KCNQ5: variants seen among roughly 807,000 people sequenced by gnomAD.
KCNQ5 encodes the protein potassium voltage-gated channel subfamily KQT member 5.
Under a neutral mutation model 98.2 loss-of-function variants are expected in KCNQ5, and 30 were observed. The ratio of observed to expected loss-of-function variants is 0.31; its 90% confidence interval spans 0.23 to 0.41. KCNQ5 has a LOEUF of 0.41. Among genes scored for constraint, KCNQ5 ranks in the 10% least tolerant of loss-of-function variants. The pLI is 1.00. For missense variants in KCNQ5, 835 were observed against 1,182.5 expected, an observed-to-expected ratio of 0.71 and a Z score of 4.31; for synonymous variants, 458 against 449.4, an observed-to-expected ratio of 1.02 and a Z score of -0.24.
intron 1 of KCNQ5, among the ~76,000 whole-genome samples, chr6:72,879,249 T>G (rs1398619709): frequency 6.6e-6 from 1 of 152,148 alleles, no homozygotes; most frequent in Non-Finnish European, 1.5e-5. Context: ...GTGAGAGATA[T>G]GAGATTTCCA....
At chr6:73,107,000 C>G (rs1163329187) in intron 6 of KCNQ5, among the ~76,000 whole-genome samples, 1 of 151,864 alleles carries the variant, frequency 6.6e-6, no homozygotes, top group East Asian at 1.9e-4. Context: ...GTATCCAAGG[C>G]AACTTCATCT....
chr6:73,078,858 A>G (rs71573581), intron 5 of KCNQ5, among the ~76,000 whole-genome samples: 1 of 152,206 alleles, frequency 6.6e-6, no homozygotes, highest in Non-Finnish European at 1.5e-5. Context: ...TGAAGCAAAA[A>G]TTTTCCCTGC....
chr6:72,650,578 T>G (rs906096590), intron 1 of KCNQ5, among the ~76,000 whole-genome samples: 1 of 152,080 alleles, frequency 6.6e-6, no homozygotes, highest in African/African-American at 2.4e-5. Context: ...AAAAATCCAT[T>G]TAAAAGCGAA....
At chr6:72,957,594 C>T (rs1475731452) in intron 1 of KCNQ5, among the ~76,000 whole-genome samples, 1 of 152,138 alleles carries the variant, frequency 6.6e-6, no homozygotes, top group Admixed American at 6.5e-5. Flanking sequence ...TTCTAATATG[C>T]AGCCAGAACG....
At chr6:72,634,033 G>A (rs56316829) in intron 1 of KCNQ5, among the ~76,000 whole-genome samples, 19,601 of 152,250 alleles carry the variant, frequency 0.13, 1,452 homozygotes, top group Non-Finnish European at 0.18. Context: ...GAATTGACAA[G>A]TGGGACCTAA....
intron 1 of KCNQ5, among the ~76,000 whole-genome samples, chr6:72,957,847 G>C (rs1412652233): frequency 6.6e-6 from 1 of 152,086 alleles, no homozygotes; most frequent in Non-Finnish European, 1.5e-5. Flanking sequence ...AGTTCCCCAG[G>C]AAAAGATTTC....
rs186143406 is a variant in KCNQ5, at chr6:72,917,425, G to A, written c.399-86483G>A. Among the ~76,000 whole-genome samples, 506 of 148,030 alleles carry A rather than the reference G, an allele frequency of 3.4e-3. 2 individuals carry two copies. Among genetic ancestry groups the A allele is most frequent in the African/African-American group, 0.013 (485 of 37,802 alleles). On this transcript the variant is annotated intron_variant, in intron 1 of 13. Coordinates refer to ENST00000370398, the MANE Select transcript of KCNQ5 (RefSeq NM_019842.4). ...TCTGGAACAGATTCTGGGGGATTTA[G>A]GAGCCCCCCCACCATTTTTTTATTT...
intron 11 of KCNQ5, among the ~76,000 whole-genome samples, chr6:73,183,115 T>A (rs1275489948): frequency 6.6e-6 from 1 of 152,172 alleles, no homozygotes; most frequent in Admixed American, 6.5e-5. Flanking sequence ...TGTGTGAGAA[T>A]GTCAGAGCAT....
chr6:73,151,446 G>A (rs1254804404), intron 10 of KCNQ5, among the ~76,000 whole-genome samples: 1 of 152,106 alleles, frequency 6.6e-6, no homozygotes, highest in African/African-American at 2.4e-5. Flanking sequence ...ACCTTTCAAT[G>A]TAAGTCACTA....
chr6:73,042,783 A>C (rs1771771301), intron 3 of KCNQ5, among the ~76,000 whole-genome samples: 1 of 152,176 alleles, frequency 6.6e-6, no homozygotes, highest in African/African-American at 2.4e-5. Flanking sequence ...GCCATAGAGC[A>C]TTCTGGAATT....
At chr6:73,067,387 A>AAGAAAGG (rs1773101311) in intron 3 of KCNQ5, among the ~76,000 whole-genome samples, 2 of 152,164 alleles carry the variant, frequency 1.3e-5, no homozygotes, top group African/African-American at 4.8e-5. Flanking sequence ...ATTGAGAGTT[A>AAGAAAGG]ACATGATACC....
chr6:72,640,981 C>T (rs2098926898), intron 1 of KCNQ5: 1 of 152,124 alleles, frequency 6.6e-6, no homozygotes, highest in African/African-American at 2.4e-5. Flanking sequence ...GTAGTGCTAA[C>T]AGGGAAAATA....
intron 1 of KCNQ5, among the ~76,000 whole-genome samples, chr6:72,974,511 C>G (rs1481009268): frequency 6.6e-6 from 1 of 152,084 alleles, no homozygotes; most frequent in Non-Finnish European, 1.5e-5. Flanking sequence ...GCCTAGGAAT[C>G]AGAAACCATT....
At chr6:72,756,778 A>G (rs191577537) in intron 1 of KCNQ5, among the ~76,000 whole-genome samples, 86 of 152,164 alleles carry the variant, frequency 5.7e-4, no homozygotes, top group African/African-American at 2.0e-3. Flanking sequence ...TATAAGATTA[A>G]TAGTCAACTT....
At chr6:72,816,895 T>C (rs561606532) in intron 1 of KCNQ5, among the ~76,000 whole-genome samples, 3 of 152,324 alleles carry the variant, frequency 2.0e-5, no homozygotes, top group South Asian at 2.1e-4. Flanking sequence ...CTCTCAGTAG[T>C]ACATTCAGCA....
At chr6:72,953,326 T>C (rs1766897023) in intron 1 of KCNQ5, among the ~76,000 whole-genome samples, 1 of 152,250 alleles carries the variant, frequency 6.6e-6, no homozygotes, top group African/African-American at 2.4e-5. Flanking sequence ...TTCTTGTGAA[T>C]AACAATTTAA....
At chr6:72,855,795 A>G (rs911249113) in intron 1 of KCNQ5, among the ~76,000 whole-genome samples, 2 of 152,322 alleles carry the variant, frequency 1.3e-5, no homozygotes, top group East Asian at 3.9e-4. Flanking sequence ...ACCCTCCGGT[A>G]TAGAGATTTT....
intron 2 of KCNQ5, among the ~76,000 whole-genome samples, chr6:73,033,153 G>A (rs952209409): frequency 6.6e-6 from 1 of 152,062 alleles, no homozygotes; most frequent in Non-Finnish European, 1.5e-5. Flanking sequence ...GGTAGGCAGC[G>A]AGGGGTAAAC....
chr6:72,837,665 C>T (rs1262431754), intron 1 of KCNQ5, among the ~76,000 whole-genome samples: 1 of 152,130 alleles, frequency 6.6e-6, no homozygotes, highest in African/African-American at 2.4e-5. Context: ...CATTGCTATA[C>T]TGCTTCCTTT....
Sources: allele counts gnomAD v4.1 joint callset (sites outside exome capture counted in the v4.1 genomes callset), GRCh38; gene constraint gnomAD v4.1.1; transcripts MANE v1.5; gene names NCBI Gene and HGNC (gene_info 2026-07-23, HGNC 2026-07-21).